The following MYO1D variants were observed in gnomAD, a reference collection of about 807,000 sequenced individuals.
The protein encoded by MYO1D is myosin ID, also known as unconventional myosin-Id.
In MYO1D, 83 loss-of-function variants were observed where a neutral mutation model predicts 122.0. The ratio of observed to expected loss-of-function variants is 0.68; its 90% CI spans 0.57 to 0.82. The LOEUF (loss-of-function observed/expected upper bound fraction) is 0.82. Ranked by LOEUF, MYO1D falls within the 40% of genes least tolerant of loss-of-function variation. The pLI is 0.00. For synonymous variants in MYO1D, 464 were observed against 446.9 expected (o/e 1.04, Z -0.48); for missense variants, 1,157 against 1,269.5 (o/e 0.91, Z 1.35).
chr17:32,808,980 C>T, intron 1 of MYO1D, among the ~76,000 whole-genome samples: 1 of 152,084 alleles, frequency 6.6e-6, no homozygotes, highest in African/African-American at 2.4e-5. Context: ...TATATGTAAA[C>T]ATGTGTACGT....
chr17:32,826,359 TATGA>T (rs140423175), intron 1 of MYO1D, among the ~76,000 whole-genome samples: 5,876 of 152,236 alleles, frequency 0.039, 368 homozygotes, highest in African/African-American at 0.13. Context: ...AGTTTGTTGA[TATGA>T]ATGAATGAAT....
intron 15 of MYO1D, among the ~76,000 whole-genome samples, chr17:32,716,277 T>C (rs867059911): frequency 6.6e-6 from 1 of 152,356 alleles, no homozygotes; most frequent in South Asian, 2.1e-4. Flanking sequence ...ACAAACCCTC[T>C]ACCCCCAATA....
chr17:32,751,023 A>G (rs1031214680), intron 11 of MYO1D, among the ~76,000 whole-genome samples: 4 of 152,206 alleles, frequency 2.6e-5, no homozygotes, highest in Non-Finnish European at 4.4e-5. Flanking sequence ...TTACATTTGG[A>G]TACTGCAAAG....
At chr17:32,640,719 C>A (rs2088186206) in intron 19 of MYO1D, among the ~76,000 whole-genome samples, 1 of 151,078 alleles carries the variant, frequency 6.6e-6, no homozygotes, top group African/African-American at 2.4e-5. Context: ...TTAATCCAGT[C>A]TATCATTGTT....
intron 14 of MYO1D, among the ~76,000 whole-genome samples, chr17:32,735,323 G>A (rs2089689385): frequency 6.6e-6 from 1 of 151,984 alleles, no homozygotes; most frequent in Non-Finnish European, 1.5e-5. Context: ...CAAGTAGCTG[G>A]GACAACAGGC....
intron 1 of MYO1D, among the ~76,000 whole-genome samples, chr17:32,781,190 T>C (rs993570265): frequency 1.1e-4 from 16 of 152,234 alleles, no homozygotes; most frequent in South Asian, 6.2e-4. Context: ...GACTGTCATA[T>C]ACATTTATTT....
intron 10 of MYO1D, among the ~76,000 whole-genome samples, chr17:32,758,528 T>G (rs147686388): frequency 1.3e-5 from 2 of 152,110 alleles, no homozygotes; most frequent in Non-Finnish European, 2.9e-5. Context: ...AGATACCCAA[T>G]TGAATAGATG....
intron 1 of MYO1D, among the ~76,000 whole-genome samples, chr17:32,851,431 AAAC>A (rs1349183571): frequency 6.6e-6 from 1 of 152,148 alleles, no homozygotes; most frequent in Non-Finnish European, 1.5e-5. Flanking sequence ...TCACCTTTAA[AAAC>A]AAACAACACA....
chr17:32,638,854 A>C lies in MYO1D; in HGVS notation c.2596-19T>G. ...GATTTACCTGTAAGAGAACAAACCA[A>C]TAAACCATAGTATCTCATCAATAAG... is the stretch of plus-strand genomic sequence containing the variant. On this transcript the variant is annotated intron_variant, in intron 19 of 21. Transcript: ENST00000318217. 1 of 1,510,110 alleles carries C rather than the reference A, an allele frequency of 6.6e-7. No individual in the cohort carries two copies. 93.5% of individuals were successfully genotyped at this position (1,510,110 alleles called of 1,614,324 possible). A position where few individuals can be genotyped will look rare whatever the true frequency, so the allele number is the denominator to read the frequency against.
intron 20 of MYO1D, among the ~76,000 whole-genome samples, chr17:32,620,195 T>A (rs2087836769): frequency 1.3e-5 from 2 of 151,946 alleles, no homozygotes; most frequent in Non-Finnish European, 2.9e-5. Context: ...CTGAGAGGGG[T>A]TGGGTACCTC....
intron 21 of MYO1D, among the ~76,000 whole-genome samples, chr17:32,602,886 G>C (rs925366220): frequency 6.6e-6 from 1 of 152,086 alleles, no homozygotes; most frequent in Non-Finnish European, 1.5e-5. Context: ...TGATACGATA[G>C]TTGACAATAA....
intron 16 of MYO1D, among the ~76,000 whole-genome samples, chr17:32,662,450 A>T (rs972749936): frequency 6.6e-6 from 1 of 152,170 alleles, no homozygotes; most frequent in Non-Finnish European, 1.5e-5. Flanking sequence ...AGGTGGGCGG[A>T]TCACAAGGTC....
intron 1 of MYO1D, among the ~76,000 whole-genome samples, chr17:32,822,904 C>T (rs1219107070): frequency 1.3e-5 from 2 of 152,028 alleles, no homozygotes; most frequent in Non-Finnish European, 2.9e-5. Flanking sequence ...AGGGGTGCAG[C>T]ACACCAACAT....
intron 21 of MYO1D, among the ~76,000 whole-genome samples, chr17:32,497,267 G>A (rs1461093541): frequency 6.6e-6 from 1 of 152,062 alleles, no homozygotes; most frequent in Non-Finnish European, 1.5e-5. Context: ...TAGCCCAGGA[G>A]CCCATCGCTC....
intron 1 of MYO1D, among the ~76,000 whole-genome samples, chr17:32,875,472 T>C (rs2091219940): frequency 6.6e-6 from 1 of 151,984 alleles, no homozygotes; most frequent in Non-Finnish European, 1.5e-5. Flanking sequence ...CACAGAGAGG[T>C]TAAGTAACTT....
In MYO1D at chr17:32,817,471, C is replaced by A. The variant is rs144460523; in HGVS notation, c.96-36687G>T. 5.5e-3 allele frequency among the ~76,000 whole-genome samples: 838 copies of A among 152,268 alleles called. 23 individuals are homozygous for A. Among genetic ancestry groups the A allele is most frequent in the Admixed American group, 0.051 (787 of 15,294 alleles). On this transcript the variant is annotated intron_variant, in intron 1 of 21. Transcript: ENST00000318217. ...CCTTTTGAAGGTAATATTTTACACT[C>A]ATAAAATGACTGCAGTTTAAAAACT... is the stretch of plus-strand genomic sequence containing the variant.
intron 20 of MYO1D, among the ~76,000 whole-genome samples, chr17:32,627,412 C>T (rs533958432): frequency 6.6e-6 from 1 of 152,220 alleles, no homozygotes; most frequent in Non-Finnish European, 1.5e-5. Context: ...GGGGCACAGA[C>T]CGGCGGGCGG....
chr17:32,702,209 A>G (rs1013574315), intron 16 of MYO1D, among the ~76,000 whole-genome samples: 2 of 152,164 alleles, frequency 1.3e-5, no homozygotes, highest in Non-Finnish European at 1.5e-5. Flanking sequence ...TTCCTTTCCC[A>G]CTATTATACT....
At chr17:32,537,251 T>G (rs1910690359) in intron 21 of MYO1D, among the ~76,000 whole-genome samples, 4 of 152,240 alleles carry the variant, frequency 2.6e-5, no homozygotes, top group Admixed American at 2.6e-4. Context: ...CACGATTTAT[T>G]CTTCTATATC....
Sources: gnomAD v4.1 joint callset for allele counts (sites outside exome capture counted in the v4.1 genomes callset) on GRCh38, gnomAD v4.1.1 for gene constraint, MANE v1.5 for transcripts, NCBI Gene and HGNC (gene_info 2026-07-23, HGNC 2026-07-21) for gene names.